ABI3BP: variants seen among roughly 807,000 people sequenced by gnomAD.
ABI3BP encodes ABI family member 3 binding protein.
A neutral mutation model predicts 268.6 loss-of-function variants in ABI3BP; 216 were observed. The observed-to-expected ratio is 0.80, with a 90% confidence interval of 0.72 to 0.90. The LOEUF (loss-of-function observed/expected upper bound fraction) is 0.90, where lower values mean the gene tolerates loss of function less well. Among genes scored for constraint, ABI3BP ranks in the 40% least tolerant of loss-of-function variants. The probability of loss-of-function intolerance (pLI) is 0.00; values close to 1 mark genes in which losing one functional copy is unlikely to be tolerated. For synonymous variants in ABI3BP, 730 were observed against 730.0 expected (o/e 1.00, Z 0.00); for missense variants, 2,090 against 2,182.4 (o/e 0.96, Z 0.84).
intron 1 of ABI3BP, among the ~76,000 whole-genome samples, chr3:100,929,313 C>G (rs965067410): frequency 3.3e-5 from 5 of 152,044 alleles, no homozygotes; most frequent in Admixed American, 1.3e-4. Context: ...CAGATGAGAA[C>G]AAGGAAGGCT....
intron 3 of ABI3BP, among the ~76,000 whole-genome samples, chr3:100,901,769 G>GAA (rs1194027727): frequency 9.2e-6 from 1 of 108,648 alleles, no homozygotes; most frequent in African/African-American, 3.3e-5. Context: ...CCGTCTCAAA[G>GAA]AAAAAAAAAA....
chr3:100,753,860 T>C lies in ABI3BP; in HGVS notation c.4931-12A>G. The stretch of plus-strand genomic sequence containing the variant: ...CACTCTTGGGTCCGCTGAGGAGAAA[T>C]AAATAGAAAAGTCAGACCTTACTAG... On this transcript the variant is annotated splice_polypyrimidine_tract_variant and intron_variant, in intron 64 of 67. Transcript: ENST00000471714. 6.2e-7 allele frequency: 1 copy of C among 1,606,612 alleles called. No individual in the cohort carries two copies. The highest frequency in any genetic ancestry group is 8.5e-7 in the Non-Finnish European group (1 of 1,176,622).
chr3:100,888,076 A>G (rs2042802788), intron 4 of ABI3BP, among the ~76,000 whole-genome samples: 2 of 152,010 alleles, frequency 1.3e-5, no homozygotes, highest in South Asian at 4.1e-4. Context: ...TATTCAGCCT[A>G]CTTTCTTACT....
At chr3:100,884,557 T>C (rs982028979) in intron 6 of ABI3BP, among the ~76,000 whole-genome samples, 1 of 152,090 alleles carries the variant, frequency 6.6e-6, no homozygotes, top group African/African-American at 2.4e-5. Flanking sequence ...CAGTGAAGTA[T>C]ATACTACTAT....
intron 57 of ABI3BP, among the ~76,000 whole-genome samples, chr3:100,782,692 G>C (rs2096906263): frequency 6.6e-6 from 1 of 152,148 alleles, no homozygotes; most frequent in African/African-American, 2.4e-5. Flanking sequence ...CCTTGAGTCA[G>C]AGGAGAGCAA....
chr3:100,917,875 A>G (rs1264513048), intron 2 of ABI3BP, among the ~76,000 whole-genome samples: 1 of 152,324 alleles, frequency 6.6e-6, no homozygotes, highest in African/African-American at 2.4e-5. Context: ...TTACCAAAAC[A>G]TGATGAAATG....
At chr3:100,807,915 C>T (rs1219588364) in intron 50 of ABI3BP, among the ~76,000 whole-genome samples, 9 of 151,870 alleles carry the variant, frequency 5.9e-5, no homozygotes, top group South Asian at 4.2e-4. Context: ...TTAAGCAATG[C>T]CATTCATGTC....
intron 45 of ABI3BP, among the ~76,000 whole-genome samples, chr3:100,812,976 G>A (rs745516213): frequency 6.6e-6 from 1 of 152,074 alleles, no homozygotes; most frequent in Non-Finnish European, 1.5e-5. Context: ...GACCTCCTGG[G>A]CTCAAGCGAT....
intron 1 of ABI3BP, among the ~76,000 whole-genome samples, chr3:100,927,595 C>T (rs2062201879): frequency 6.6e-6 from 1 of 152,082 alleles, no homozygotes; most frequent in Admixed American, 6.6e-5. Context: ...GAAAGCAAAG[C>T]AGGCAAGTCT....
At chr3:100,920,382 C>T (rs2059868960) in intron 2 of ABI3BP, among the ~76,000 whole-genome samples, 1 of 152,154 alleles carries the variant, frequency 6.6e-6, no homozygotes, top group African/African-American at 2.4e-5. Flanking sequence ...ATTTATAAAA[C>T]ATGCCTACTC....
intron 57 of ABI3BP, among the ~76,000 whole-genome samples, chr3:100,784,175 T>C (rs1216112833): frequency 1.3e-5 from 2 of 152,186 alleles, no homozygotes; most frequent in Admixed American, 1.3e-4. Flanking sequence ...AATCACAAGA[T>C]TTTTATAGAG....
intron 1 of ABI3BP, among the ~76,000 whole-genome samples, chr3:100,941,869 C>T (rs1232971005): frequency 6.6e-6 from 1 of 152,092 alleles, no homozygotes; most frequent in Admixed American, 6.6e-5. Flanking sequence ...GTCAATTGCA[C>T]ACATTCCCTC....
chr3:100,780,060 A>G (rs1348018983), intron 58 of ABI3BP, 72 bp downstream of exon 58: 12 of 1,464,776 alleles, frequency 8.2e-6, no homozygotes, highest in African/African-American at 2.8e-5. Flanking sequence ...TTTTGCCACC[A>G]GGAATGATAC....
At chr3:100,911,472 T>G in intron 2 of ABI3BP, 1 of 401,322 alleles carries the variant, frequency 2.5e-6, no homozygotes, top group East Asian at 5.5e-5. Flanking sequence ...ACTAGTTTAT[T>G]TATTGCTTGT....
chr3:100,787,748 C>A lies in ABI3BP; in HGVS notation c.4142G>T (p.Ser1381Ile), dbSNP rs148646580. Residue 1381 changes from serine to isoleucine, a missense_variant, in exon 57 of 68, where the codon AGT becomes ATT. Ser to Ile is a moderately radical substitution (Grantham distance 142). Coordinates refer to ENST00000471714, the MANE Select transcript of ABI3BP (RefSeq NM_001375547.2). ...ATTACCTGTTCCCACTCCATTCCCA[C>A]TGGGCATCCCACTGGGTTTGGGCCT... ...PTRPKPSGMP[S>I]GNGVGTGVKQ... 124 of 1,532,336 alleles carry A rather than the reference C, an allele frequency of 8.1e-5. No individual in the cohort carries two copies. Among genetic ancestry groups the A allele is most frequent in the Non-Finnish European group, 1.1e-4 (122 of 1,144,950 alleles). The allele number at this position is 1,532,336 out of a possible 1,614,324, so 94.9% of individuals were successfully genotyped here. A position where few individuals can be genotyped will look rare whatever the true frequency, so the allele number is the denominator to read the frequency against.
chr3:100,898,644 C>G (rs1376531032), intron 4 of ABI3BP, 118 bp downstream of exon 4: 1 of 1,192,650 alleles, frequency 8.4e-7, no homozygotes, highest in Non-Finnish European at 1.1e-6. Context: ...CTTTGTTCCC[C>G]TCACACCTAG....
chr3:100,916,023 G>T (rs1267329845), intron 2 of ABI3BP, among the ~76,000 whole-genome samples: 1 of 152,154 alleles, frequency 6.6e-6, no homozygotes, highest in Non-Finnish European at 1.5e-5. Context: ...TGGCTTTATT[G>T]CATGTAGTTT....
At chr3:100,760,957 C>T (rs75187661) in intron 63 of ABI3BP, among the ~76,000 whole-genome samples, 2,149 of 151,852 alleles carry the variant, frequency 0.014, 44 homozygotes, top group African/African-American at 0.05. Context: ...CACAGGAGTT[C>T]GTTGTACAGA....
chr3:100,784,761 C>T (rs1295112913), intron 57 of ABI3BP, among the ~76,000 whole-genome samples: 1 of 152,112 alleles, frequency 6.6e-6, no homozygotes, highest in Non-Finnish European at 1.5e-5. Context: ...GACCATTATT[C>T]TAAGTGAAGT....
Sources: allele counts gnomAD v4.1 joint callset (sites outside exome capture counted in the v4.1 genomes callset), GRCh38; gene constraint gnomAD v4.1.1; transcripts MANE v1.5; gene names NCBI Gene and HGNC (gene_info 2026-07-23, HGNC 2026-07-21).